The following DOCK3 variants were observed in gnomAD, a reference collection of about 807,000 sequenced individuals.
The protein encoded by DOCK3 is dedicator of cytokinesis protein 3.
A neutral mutation model predicts 265.6 loss-of-function variants in DOCK3; 60 were observed. That is an observed-to-expected ratio of 0.23 (90% confidence interval 0.18 to 0.28). The LOEUF is 0.28. Among genes scored for constraint, DOCK3 ranks in the 10% least tolerant of loss-of-function variants. The pLI, the probability that DOCK3 is intolerant of heterozygous loss-of-function variation, is 1.00. For synonymous variants in DOCK3, 881 were observed against 938.0 expected, an observed-to-expected ratio of 0.94 and a Z score of 1.11; for missense variants, 1,981 against 2,594.3, an observed-to-expected ratio of 0.76 and a Z score of 5.14.
intron 19 of DOCK3, among the ~76,000 whole-genome samples, chr3:51,230,027 T>G (rs1395335386): frequency 1.3e-5 from 2 of 152,258 alleles, no homozygotes; most frequent in African/African-American, 2.4e-5. Context: ...GTCCTCCAGT[T>G]GTATCCATGT....
chr3:51,310,457 G>A, intron 28 of DOCK3, 131 bp downstream of exon 28: 3 of 802,410 alleles, frequency 3.7e-6, no homozygotes, highest in South Asian at 3.4e-5. Flanking sequence ...AGAGGAGAGG[G>A]CAAATGAGAA....
In DOCK3 at chr3:51,361,002, G is replaced by A. The variant is rs535025999; in HGVS notation, c.5006+370G>A. Among the ~76,000 whole-genome samples the A allele has an allele frequency of 1.6e-4, 25 of 152,222 alleles. No individual in the cohort carries two copies. Among genetic ancestry groups the A allele is most frequent in the Non-Finnish European group, 2.6e-4 (18 of 68,044 alleles). On this transcript the variant is annotated intron_variant, in intron 47 of 52. Coordinates refer to ENST00000266037, the MANE Select transcript of DOCK3 (RefSeq NM_004947.5). This position sits in a 1 kb window ranked among gnomAD's most constrained non-coding sequence, Gnocchi z 4.2. Reference sequence around the variant, plus strand: ...GTCAGCACTCTGAGTAGAGCCAAGTGGCTGGAGTGCCGGATTCCAGGGCAC... The same window carrying A: ...GTCAGCACTCTGAGTAGAGCCAAGTAGCTGGAGTGCCGGATTCCAGGGCAC...
chr3:51,093,730 A>T (rs555472382), intron 9 of DOCK3, among the ~76,000 whole-genome samples: 93 of 152,318 alleles, frequency 6.1e-4, no homozygotes, highest in Middle Eastern at 3.4e-3. Context: ...GTGAGAGGGC[A>T]TCCTTGTCTT....
intron 24 of DOCK3, among the ~76,000 whole-genome samples, chr3:51,273,260 T>G (rs2080614059): frequency 6.6e-6 from 1 of 152,132 alleles, no homozygotes; most frequent in African/African-American, 2.4e-5. Flanking sequence ...TATCTCTGCA[T>G]GTACTTGCTG....
intron 38 of DOCK3, among the ~76,000 whole-genome samples, chr3:51,347,404 C>A (rs939785062): frequency 6.6e-6 from 1 of 152,114 alleles, no homozygotes; most frequent in African/African-American, 2.4e-5. Context: ...GAATCCTTTC[C>A]CCATTGCTTG....
intron 2 of DOCK3, among the ~76,000 whole-genome samples, chr3:50,814,646 C>T (rs2043964340): frequency 6.6e-6 from 1 of 152,008 alleles, no homozygotes; most frequent in South Asian, 2.1e-4. Flanking sequence ...ATAATCCAGT[C>T]CAGGATGATA....
In DOCK3 at chr3:50,749,574, C is replaced by T. The variant is rs529512571; in HGVS notation, c.38-29101C>T. Among the ~76,000 whole-genome samples, 20 of 152,122 alleles carry T rather than the reference C, an allele frequency of 1.3e-4. No individual in the cohort carries two copies. In the South Asian group the frequency reaches 2.9e-3, roughly 22 times the overall value. On this transcript the variant is annotated intron_variant, in intron 1 of 52. Transcript: ENST00000266037. ...ATCCTACCCCAACTTGTTTTTATAC[C>T]TATTTTTAAAAATCCTATCAGTGGA...
chr3:50,956,916 G>T (rs1237181440), intron 5 of DOCK3, among the ~76,000 whole-genome samples: 2 of 152,104 alleles, frequency 1.3e-5, no homozygotes, highest in Non-Finnish European at 2.9e-5. Context: ...AGGCTGGAGT[G>T]CAGTGACGCC....
At chr3:51,072,712 A>G (rs2081922277) in intron 6 of DOCK3, among the ~76,000 whole-genome samples, 1 of 151,718 alleles carries the variant, frequency 6.6e-6, no homozygotes. Flanking sequence ...TCAGCTGAAA[A>G]CATTTTTGTT....
At chr3:50,849,508 G>A (rs184840153) in intron 3 of DOCK3, among the ~76,000 whole-genome samples, 107 of 151,920 alleles carry the variant, frequency 7.0e-4, no homozygotes, top group African/African-American at 2.4e-3. Flanking sequence ...AGGTTGGAGT[G>A]TGGTGGCATG....
intron 49 of DOCK3, among the ~76,000 whole-genome samples, chr3:51,364,339 AT>A (rs1365893244): frequency 2.0e-5 from 3 of 151,852 alleles, no homozygotes; most frequent in Non-Finnish European, 4.4e-5. Context: ...GGGTTGTTTG[AT>A]TTTTTTATTG....
At chr3:51,091,855 G>A (rs969734427) in intron 9 of DOCK3, among the ~76,000 whole-genome samples, 1 of 152,126 alleles carries the variant, frequency 6.6e-6, no homozygotes, top group South Asian at 2.1e-4. Flanking sequence ...GCCCATGGAG[G>A]GCAAGCCGAA....
intron 38 of DOCK3, among the ~76,000 whole-genome samples, chr3:51,342,796 A>G (rs905137678): frequency 2.0e-5 from 3 of 152,198 alleles, no homozygotes; most frequent in Non-Finnish European, 4.4e-5. Context: ...CTGTAGATGG[A>G]CAAGAAGGAG....
intron 2 of DOCK3, chr3:50,787,723 T>C: frequency 4.8e-6 from 6 of 1,250,250 alleles, no homozygotes; most frequent in Non-Finnish European, 6.9e-6. Flanking sequence ...CATTCTTCTT[T>C]CTGTAACGCT....
intron 23 of DOCK3, among the ~76,000 whole-genome samples, chr3:51,264,416 A>AT (rs2080040425): frequency 6.6e-6 from 1 of 152,236 alleles, no homozygotes; most frequent in Admixed American, 6.5e-5. Flanking sequence ...TTAGAGAGAA[A>AT]TTTATAGCAC....
At chr3:50,795,845 T>A (rs1056926916) in intron 2 of DOCK3, among the ~76,000 whole-genome samples, 1 of 152,220 alleles carries the variant, frequency 6.6e-6, no homozygotes, top group African/African-American at 2.4e-5. Flanking sequence ...TTCAGGTCAG[T>A]TACATTCTTT....
intron 5 of DOCK3, among the ~76,000 whole-genome samples, chr3:50,988,291 G>A (rs192438746): frequency 1.1e-3 from 172 of 152,084 alleles, no homozygotes; most frequent in Non-Finnish European, 1.8e-3. Flanking sequence ...CTTTAAGCAG[G>A]TCCCAGATCC....
intron 23 of DOCK3, among the ~76,000 whole-genome samples, chr3:51,261,144 A>C (rs952472334): frequency 3.3e-5 from 4 of 121,776 alleles, no homozygotes; most frequent in African/African-American, 1.3e-4. Context: ...AAATAGGAAC[A>C]GCTCCGGACT....
intron 5 of DOCK3, among the ~76,000 whole-genome samples, chr3:51,046,217 G>A (rs2080772234): frequency 6.6e-6 from 1 of 152,176 alleles, no homozygotes; most frequent in African/African-American, 2.4e-5. Flanking sequence ...TTAACAAACT[G>A]TTAATAGTAA....
Sources: gnomAD v4.1 joint callset for allele counts (sites outside exome capture counted in the v4.1 genomes callset) on GRCh38, gnomAD v4.1.1 for gene constraint, Gnocchi (gnomAD v3.1) non-coding constraint, MANE v1.5 for transcripts, NCBI Gene and HGNC (gene_info 2026-07-23, HGNC 2026-07-21) for gene names.